EXOSC10: variants seen among roughly 807,000 people sequenced by gnomAD.
EXOSC10 encodes the protein exosome complex component 10.
EXOSC10 carries 94 observed loss-of-function variants against 126.6 expected under a neutral mutation model. The observed-to-expected ratio is 0.74, with a 90% CI of 0.63 to 0.88. EXOSC10 has a LOEUF of 0.88. Ranked by LOEUF, EXOSC10 falls within the 40% of genes least tolerant of loss-of-function variation. EXOSC10 has a pLI of 0.00. For missense variants in EXOSC10, 1,041 were observed against 1,100.5 expected, an observed-to-expected ratio of 0.95 and a Z score of 0.77; for synonymous variants, 395 against 400.8, an observed-to-expected ratio of 0.99 and a Z score of 0.17.
chr1:11,068,725 G>A lies in EXOSC10; in HGVS notation c.2489-19C>T, dbSNP rs1199064224. The A allele has an allele frequency of 1.9e-6, 3 of 1,609,078 alleles. No homozygotes were observed. The highest frequency in any genetic ancestry group is 2.2e-5 in the East Asian group (1 of 44,856). On this transcript the variant is annotated intron_variant, in intron 22 of 24. Transcript: ENST00000376936. The stretch of plus-strand genomic sequence containing the variant: ...CTGTTTCCTGAAAGGTAAGAGATGA[G>A]AGAGACCTGCGGTCAGGTCAATGAG...
At chr1:11,067,681 T>C (rs1029969177) in intron 24 of EXOSC10, among the ~76,000 whole-genome samples, 2 of 152,124 alleles carry the variant, frequency 1.3e-5, no homozygotes, top group Non-Finnish European at 2.9e-5. Flanking sequence ...TCATTCCTAA[T>C]AGGCTGGTCC....
chr1:11,078,713 C>A (rs1639968153), intron 14 of EXOSC10, among the ~76,000 whole-genome samples: 1 of 152,164 alleles, frequency 6.6e-6, no homozygotes, highest in Admixed American at 6.5e-5. Flanking sequence ...ATTCAGGGAG[C>A]TATCACTTCA....
intron 9 of EXOSC10, among the ~76,000 whole-genome samples, chr1:11,083,354 G>T (rs1300465202): frequency 1.3e-5 from 2 of 152,028 alleles, no homozygotes; most frequent in Admixed American, 6.6e-5. Flanking sequence ...TTGAGGTCAG[G>T]AGTTTGAGAC....
Position 11,067,757 on chromosome 1 carries a change from A to G in EXOSC10, c.2627+251T>C, listed in dbSNP as rs187015549. Among the ~76,000 whole-genome samples the G allele has an allele frequency of 7.9e-5, 12 of 152,314 alleles. No individual in the cohort carries two copies. The East Asian group carries it at 2.3e-3, about 29-fold the overall frequency. On this transcript the variant is annotated intron_variant, in intron 24 of 24. Transcript: ENST00000376936. ...TGACCCCAGGACACACGGTAACTAGAGAGCCAGGAACAAGGGGAATCTGAG... is the reference window on the plus strand; with the variant it reads ...TGACCCCAGGACACACGGTAACTAGGGAGCCAGGAACAAGGGGAATCTGAG...
At chr1:11,091,408 T>C in intron 4 of EXOSC10, 85 bp downstream of exon 4, 2 of 1,203,202 alleles carry the variant, frequency 1.7e-6, no homozygotes, top group Non-Finnish European at 2.4e-6. Flanking sequence ...TCTAATAAAT[T>C]AGAACAGAAA....
At chr1:11,069,762 C>T (rs761392094) in intron 21 of EXOSC10, 32 bp from the exon 22 acceptor site, 1 of 1,608,992 alleles carries the variant, frequency 6.2e-7, no homozygotes, top group Non-Finnish European at 8.5e-7. Flanking sequence ...GGGGGAGGAA[C>T]AGGGAGGCAC....
At chr1:11,097,837 G>C (rs1641200650) in intron 2 of EXOSC10, among the ~76,000 whole-genome samples, 183 bp downstream of exon 2, 3 of 152,114 alleles carry the variant, frequency 2.0e-5, no homozygotes, top group Admixed American at 6.5e-5. Context: ...TTTTTTAAAG[G>C]CTAAACTAAA....
rs762950015 is a variant in EXOSC10 at position 11,068,102 on chromosome 1, C to T, written c.2551-18G>A. 17 of 1,611,322 alleles carry T rather than the reference C, an allele frequency of 1.1e-5. No homozygotes were observed. Among genetic ancestry groups the T allele is most frequent in the South Asian group, 7.7e-5 (7 of 90,968 alleles). ...ATGCATTTCTGAAAAGAAAAGAAAC[C>T]GTTTAAGCTGGGTGGGCACCTTGAC... On this transcript the variant is annotated intron_variant, in intron 23 of 24. Coordinates refer to ENST00000376936, the MANE Select transcript of EXOSC10 (RefSeq NM_001001998.3).
rs776702808 is a variant in EXOSC10 at position 11,080,931 on chromosome 1, C to T, written c.1438-19G>A. 1.3e-6 allele frequency: 2 copies of T among 1,589,574 alleles called. No homozygotes were observed. Among genetic ancestry groups the T allele is most frequent in the East Asian group, 2.2e-5 (1 of 44,640 alleles). Reference sequence around the variant, plus strand: ...TGAATTTCTACAAAGTATTAGAGAACATTCAAAATCAACGGGAATCAAAAT... The same window carrying T: ...TGAATTTCTACAAAGTATTAGAGAATATTCAAAATCAACGGGAATCAAAAT... On this transcript the variant is annotated intron_variant, in intron 11 of 24. Coordinates refer to ENST00000376936, the MANE Select transcript of EXOSC10 (RefSeq NM_001001998.3).
At chr1:11,077,174 A>G in intron 16 of EXOSC10, 191 bp downstream of exon 16, 1 of 638,728 alleles carries the variant, frequency 1.6e-6, no homozygotes, top group Non-Finnish European at 2.7e-6. Context: ...TATTTTTAGT[A>G]GAGATGGGGT....
Position 11,090,604 on chromosome 1 carries a change from T to G in EXOSC10, c.708A>C (p.Ala236=). 1 of 1,614,144 alleles carries G rather than the reference T, an allele frequency of 6.2e-7. No individual in the cohort carries two copies. Among genetic ancestry groups the G allele is most frequent in the East Asian group, 2.2e-5 (1 of 44,884 alleles). ...DRPEDLDVPP[A]LADFIHQQRT... ...TCTGCTGATGGATGAAATCAGCCAGTGCAGGGGGGACGTCCAAGTCCTCAG... is the reference window on the plus strand; with the variant it reads ...TCTGCTGATGGATGAAATCAGCCAGGGCAGGGGGGACGTCCAAGTCCTCAG... The change falls in exon 6 of 25, where the codon GCA becomes GCC. Residue 236 remains alanine, a synonymous_variant. Transcript: ENST00000376936.
At position 11,071,259 on chromosome 1, in the gene EXOSC10, AG is replaced by A. The variant is rs1639472827; in HGVS notation, c.2243-287del. 8 of 413,176 alleles carry A rather than the reference AG, an allele frequency of 1.9e-5. No homozygotes were observed. The South Asian group carries it at 3.4e-4, about 18-fold the overall frequency. The allele number at this position is 413,176 out of a possible 1,614,324, so 25.6% of individuals were successfully genotyped here. On this transcript the variant is annotated intron_variant, in intron 20 of 24. Transcript: ENST00000376936. ...GCCTGTGGACCTGAGGGCGTTTAAC[AG>A]GATCGTCACCATCACCATCGTGGAC...
rs767021082 is a variant in EXOSC10 at position 11,070,914 on chromosome 1, G to A, written c.2302C>T (p.Arg768Ter). The change falls in exon 21 of 25, where the codon CGA becomes TGA. Residue 768 changes from arginine to a stop codon, truncating the protein, a stop_gained. Coordinates refer to ENST00000376936, the MANE Select transcript of EXOSC10 (RefSeq NM_001001998.3). LOFTEE classifies it high-confidence loss of function. ...KAAAEQAISVRQQVVLENAAK... is the reference protein window; with the variant it reads ...KAAAEQAISV The stretch of plus-strand genomic sequence containing the variant: ...CTGGCACATACCACGACCTGCTGTC[G>A]GACGGAGATGGCCTGTTCTGCTGCA... 3.1e-6 allele frequency: 5 copies of A among 1,613,994 alleles called. No homozygotes were observed. Among genetic ancestry groups the A allele is most frequent in the African/African-American group, 1.3e-5 (1 of 75,022 alleles).
intron 3 of EXOSC10, among the ~76,000 whole-genome samples, chr1:11,092,345 A>G (rs113242293): frequency 0.073 from 10,970 of 150,916 alleles, 618 homozygotes; most frequent in East Asian, 0.15. Context: ...CTCCCAAGTA[A>G]TTGGGACTAC....
At chr1:11,080,585 CACA>C (rs748365203) in intron 12 of EXOSC10, 36 bp from the exon 13 acceptor site, 2 of 1,601,768 alleles carry the variant, frequency 1.2e-6, no homozygotes, top group South Asian at 2.2e-5. Context: ...CACACACACA[CACA>C]CACACACACA....
At chr1:11,082,589 G>C in intron 10 of EXOSC10, 99 bp downstream of exon 10, 1 of 1,541,508 alleles carries the variant, frequency 6.5e-7, no homozygotes. Context: ...TCATCTCAAT[G>C]AGCGTGGTAG....
chr1:11,067,453 CAT>C lies in EXOSC10; in HGVS notation c.2627+553_2627+554del, dbSNP rs1447660923. The stretch of plus-strand genomic sequence containing the variant: ...TCTCAAAGAAGAAAAAAAAAAAAAA[CAT>C]TAGCCGGGCATGATGGCAGGCACCT... On this transcript the variant is annotated intron_variant, in intron 24 of 24. Transcript: ENST00000376936. 7.6e-4 allele frequency among the ~76,000 whole-genome samples: 48 copies of C among 63,150 alleles called. 1 individual carries two copies. Among genetic ancestry groups the C allele is most frequent in the Non-Finnish European group, 1.5e-3 (35 of 23,760 alleles). 41.4% of individuals were successfully genotyped at this position (63,150 alleles called of 152,430 possible). A position where few individuals can be genotyped will look rare whatever the true frequency, so the allele number is the denominator to read the frequency against.
intron 9 of EXOSC10, among the ~76,000 whole-genome samples, chr1:11,085,475 C>T (rs1640440381): frequency 6.6e-6 from 1 of 152,136 alleles, no homozygotes; most frequent in African/African-American, 2.4e-5. Flanking sequence ...GATTTTGTAT[C>T]CTGAGACTTT....
rs1372816279 is a variant in EXOSC10, at chr1:11,074,435, C to CA, written c.1987-110dup. On this transcript the variant is annotated intron_variant, in intron 17 of 24. Transcript: ENST00000376936. ...GTGATTTTTTTTTTTTTTCTGGAGA[C>CA]AGAGTCTCGCTCTTTTGCCCAGGCT... The CA allele has an allele frequency of 2.2e-5, 16 of 730,806 alleles. No homozygotes were observed. The South Asian group carries it at 2.3e-4, about 11-fold the overall frequency. The allele number at this position is 730,806 out of a possible 1,614,324, so 45.3% of individuals were successfully genotyped here.
Sources: allele counts gnomAD v4.1 joint callset (sites outside exome capture counted in the v4.1 genomes callset), GRCh38; gene constraint gnomAD v4.1.1; transcripts MANE v1.5; gene names NCBI Gene and HGNC (gene_info 2026-07-23, HGNC 2026-07-21).